HGD: variants seen among roughly 807,000 people sequenced by gnomAD.
HGD encodes the protein homogentisate oxidase.
In HGD, 61 loss-of-function variants were observed where a neutral mutation model predicts 60.8. That is an observed-to-expected ratio of 1.00 (90% CI 0.82 to 1.24). The LOEUF (loss-of-function observed/expected upper bound fraction) is 1.24, where lower values mean the gene tolerates loss of function less well. HGD is among the 50% of genes most tolerant of loss of function. The probability of loss-of-function intolerance (pLI) is 0.00; values close to 1 mark genes in which losing one functional copy is unlikely to be tolerated. For missense variants in HGD, 542 were observed against 547.1 expected, an observed-to-expected ratio of 0.99 and a Z score of 0.09; for synonymous variants, 212 against 187.7, an observed-to-expected ratio of 1.13 and a Z score of -1.06.
intron 11 of HGD, among the ~76,000 whole-genome samples, chr3:120,640,444 C>T (rs1317825261): frequency 2.0e-5 from 3 of 152,152 alleles, no homozygotes; most frequent in African/African-American, 7.2e-5. Context: ...GAGCATCAAA[C>T]ACCATGCTTC....
intron 12 of HGD, among the ~76,000 whole-genome samples, chr3:120,635,622 G>A (rs755654158): frequency 1.3e-5 from 2 of 151,968 alleles, no homozygotes; most frequent in African/African-American, 2.4e-5. Context: ...GTATTGCCAA[G>A]GCAATATTTT....
At chr3:120,673,919 G>C (rs1708074450) in intron 3 of HGD, among the ~76,000 whole-genome samples, 1 of 152,166 alleles carries the variant, frequency 6.6e-6, no homozygotes. Context: ...GAGGATCCAA[G>C]AGGGCAGATG....
chr3:120,677,603 A>G (rs181628511), intron 1 of HGD, among the ~76,000 whole-genome samples: 6 of 152,336 alleles, frequency 3.9e-5, no homozygotes, highest in Admixed American at 3.9e-4. Context: ...CTTCATTAGC[A>G]ATTTTAATTT....
intron 13 of HGD, among the ~76,000 whole-genome samples, chr3:120,630,843 TACAC>T (rs111540631): frequency 0.2 from 23,711 of 115,704 alleles, 2,255 homozygotes; most frequent in African/African-American, 0.26. Flanking sequence ...CACACACACA[TACAC>T]ACACACACAC....
chr3:120,640,077 A>G (rs1032821027), intron 11 of HGD, among the ~76,000 whole-genome samples: 2 of 151,730 alleles, frequency 1.3e-5, no homozygotes, highest in African/African-American at 4.8e-5. Flanking sequence ...AGAGGAGGTG[A>G]CATTTGAGGT....
In HGD at chr3:120,633,333, G is replaced by A. The variant is rs1940651745; in HGVS notation, c.1007-5C>T. The A allele has an allele frequency of 6.2e-7, 1 of 1,614,068 alleles. No individual in the cohort carries two copies. The highest frequency in any genetic ancestry group is 1.3e-5 in the African/African-American group (1 of 74,922). On this transcript the variant is annotated splice_polypyrimidine_tract_variant and splice_region_variant and intron_variant, in intron 12 of 13. Transcript: ENST00000283871. Reference sequence around the variant, plus strand: ...TGAACTCACTCATGCAGTTCCCTGGGAAGGTTGAAGCAGTATTATTTTTAT... The same window carrying A: ...TGAACTCACTCATGCAGTTCCCTGGAAAGGTTGAAGCAGTATTATTTTTAT...
intron 8 of HGD, 104 bp from the exon 9 acceptor site, chr3:120,646,470 T>G: frequency 2.5e-6 from 2 of 796,992 alleles, no homozygotes; most frequent in Non-Finnish European, 4.5e-6. Flanking sequence ...AGTAAAGCTC[T>G]TGTTTGTTGA....
intron 12 of HGD, among the ~76,000 whole-genome samples, chr3:120,637,012 T>A (rs1940803156): frequency 6.6e-6 from 1 of 152,206 alleles, no homozygotes; most frequent in Non-Finnish European, 1.5e-5. Context: ...GGAAGTAGAA[T>A]TGCACATTGA....
rs754050823 is a variant in HGD, at chr3:120,638,517, A to T, written c.944T>A (p.Phe315Tyr). 2 of 1,614,030 alleles carry T rather than the reference A, an allele frequency of 1.2e-6. No individual in the cohort carries two copies. Among genetic ancestry groups the T allele is most frequent in the South Asian group, 2.2e-5 (2 of 91,080 alleles). ...SVRPGVAIAD[F>Y]VIFPPRWGVA... ...CCCCCATCGAGGTGGGAAGATGACA[A>T]AATCAGCAATGGCCACTCCAGGGCG... Residue 315 changes from phenylalanine to tyrosine, a missense_variant, in exon 12 of 14, where the codon TTT becomes TAT. Physicochemically the swap from Phe to Tyr is conservative, Grantham distance 22. Coordinates refer to ENST00000283871, the MANE Select transcript of HGD (RefSeq NM_000187.4).
At chr3:120,630,546 T>C (rs918414168) in intron 13 of HGD, among the ~76,000 whole-genome samples, 1 of 151,872 alleles carries the variant, frequency 6.6e-6, no homozygotes, top group Non-Finnish European at 1.5e-5. Flanking sequence ...ATTCAATAAA[T>C]CATGCTGGGA....
chr3:120,657,612 T>C (rs995905310), intron 4 of HGD, among the ~76,000 whole-genome samples: 1 of 152,142 alleles, frequency 6.6e-6, no homozygotes, highest in Non-Finnish European at 1.5e-5. Flanking sequence ...AGTGTACATA[T>C]TAGTCTGTTC....
chr3:120,651,036 C>T (rs1941327382), intron 5 of HGD, among the ~76,000 whole-genome samples, 171 bp from the exon 6 acceptor site: 2 of 152,188 alleles, frequency 1.3e-5, no homozygotes, highest in Non-Finnish European at 2.9e-5. Context: ...TTTACTGACT[C>T]ATGTTTGGTA....
intron 9 of HGD, among the ~76,000 whole-genome samples, chr3:120,645,684 A>G (rs1941135082): frequency 6.6e-6 from 1 of 152,094 alleles, no homozygotes; most frequent in African/African-American, 2.4e-5. Flanking sequence ...TTCATAGACT[A>G]TGTGTCACCC....
intron 6 of HGD, among the ~76,000 whole-genome samples, chr3:120,649,143 T>C (rs546383138): frequency 4.3e-4 from 58 of 135,022 alleles, no homozygotes; most frequent in Middle Eastern, 4.0e-3. Context: ...CTTTTTCTTT[T>C]TTTTTTTTTT....
chr3:120,668,673 C>T (rs544678291), intron 4 of HGD, among the ~76,000 whole-genome samples: 10 of 152,292 alleles, frequency 6.6e-5, no homozygotes, highest in African/African-American at 2.2e-4. Flanking sequence ...ATGGTTCTTG[C>T]CTATCACATG....
chr3:120,651,062 T>C (rs1025465708), intron 5 of HGD, among the ~76,000 whole-genome samples, 197 bp from the exon 6 acceptor site: 2 of 152,234 alleles, frequency 1.3e-5, no homozygotes, highest in Non-Finnish European at 2.9e-5. Flanking sequence ...TGGTTTACCC[T>C]AGTCTCCAGC....
chr3:120,652,500 G>T, intron 5 of HGD, 92 bp downstream of exon 5: 1 of 909,554 alleles, frequency 1.1e-6, no homozygotes. Context: ...TGATAGGGCT[G>T]CTTCTGCTTG....
chr3:120,663,851 GA>G (rs201678455), intron 4 of HGD, among the ~76,000 whole-genome samples: 2 of 151,860 alleles, frequency 1.3e-5, no homozygotes, highest in African/African-American at 2.4e-5. Context: ...AAAAGACATG[GA>G]AAAAGGCGCA....
At chr3:120,660,873 GAAAACTT>G (rs1467687337) in intron 4 of HGD, among the ~76,000 whole-genome samples, 71 of 152,294 alleles carry the variant, frequency 4.7e-4, no homozygotes, top group African/African-American at 1.7e-3. Flanking sequence ...CATCAAGGAT[GAAAACTT>G]GGATTCTCAT....
Sources: gnomAD v4.1 joint callset for allele counts (sites outside exome capture counted in the v4.1 genomes callset) on GRCh38, gnomAD v4.1.1 for gene constraint, MANE v1.5 for transcripts, NCBI Gene and HGNC (gene_info 2026-07-23, HGNC 2026-07-21) for gene names.